TBC1D32: variants seen among roughly 807,000 people sequenced by gnomAD.
The protein encoded by TBC1D32 is TBC1 domain family member 32.
A neutral mutation model predicts 170.3 loss-of-function variants in TBC1D32; 151 were observed. The observed-to-expected ratio is 0.89, with a 90% CI of 0.78 to 1.01. TBC1D32 has a LOEUF of 1.01. TBC1D32 is among the 50% of genes least tolerant of loss of function. TBC1D32 has a pLI of 0.00. For missense variants in TBC1D32, 1,464 were observed against 1,457.1 expected, an observed-to-expected ratio of 1.00 and a Z score of -0.08; for synonymous variants, 498 against 488.0, an observed-to-expected ratio of 1.02 and a Z score of -0.27.
intron 26 of TBC1D32, among the ~76,000 whole-genome samples, chr6:121,116,772 C>G (rs1437459021): frequency 6.6e-6 from 1 of 152,156 alleles, no homozygotes; most frequent in Non-Finnish European, 1.5e-5. Context: ...TAGTTCTTCC[C>G]TGTGAAAGAA....
intron 30 of TBC1D32, among the ~76,000 whole-genome samples, chr6:121,098,874 T>A (rs1285403013): frequency 6.6e-6 from 1 of 151,838 alleles, no homozygotes; most frequent in Admixed American, 6.6e-5. Context: ...GGAGAAGGTA[T>A]CATCTCAAGG....
rs1417797255 is a variant in TBC1D32 at position 121,080,360 on chromosome 6, G to T, written c.*411C>A. 2 of 341,250 alleles carry T rather than the reference G, an allele frequency of 5.9e-6. No individual in the cohort carries two copies. Among genetic ancestry groups the T allele is most frequent in the Non-Finnish European group, 1.2e-5 (2 of 164,870 alleles). 21.1% of individuals were successfully genotyped at this position (341,250 alleles called of 1,614,324 possible). A position where few individuals can be genotyped will look rare whatever the true frequency, so the allele number is the denominator to read the frequency against. On this transcript the variant is annotated 3_prime_UTR_variant, in exon 32 of 32. Transcript: ENST00000398212. ...AGCCTCCCAAGTAGCAGGGACTACA[G>T]GCGCATCACTGCACCCAGCTAATTT...
At chr6:121,279,042 C>T in intron 15 of TBC1D32, 79 bp downstream of exon 15, 1 of 1,462,198 alleles carries the variant, frequency 6.8e-7, no homozygotes. Context: ...TTTTTTAGAT[C>T]ATTTAATATA....
chr6:121,329,803 T>G (rs1810972775), intron 1 of TBC1D32, among the ~76,000 whole-genome samples: 1 of 152,074 alleles, frequency 6.6e-6, no homozygotes, highest in Non-Finnish European at 1.5e-5. Context: ...TAGGCTGTAT[T>G]TTAGAATCAT....
At chr6:121,177,031 A>AT (rs143537057) in intron 22 of TBC1D32, among the ~76,000 whole-genome samples, 62 of 149,444 alleles carry the variant, frequency 4.1e-4, no homozygotes, top group African/African-American at 4.9e-4. Flanking sequence ...TGAATATGTC[A>AT]TTTTTTTTTT....
intron 22 of TBC1D32, among the ~76,000 whole-genome samples, chr6:121,188,973 TCTAAA>T (rs1789572509): frequency 6.6e-6 from 1 of 152,162 alleles, no homozygotes; most frequent in African/African-American, 2.4e-5. Context: ...TTTTCTAAGC[TCTAAA>T]CTGTCTTTTT....
At chr6:121,256,363 T>C in intron 15 of TBC1D32, 78 bp from the exon 16 acceptor site, 2 of 1,296,274 alleles carry the variant, frequency 1.5e-6, no homozygotes, top group Admixed American at 4.9e-5. Flanking sequence ...AAGGCTAGTC[T>C]TGTCACAAAA....
chr6:121,237,612 ACTT>A (rs755776195), intron 20 of TBC1D32, among the ~76,000 whole-genome samples: 118 of 151,904 alleles, frequency 7.8e-4, no homozygotes, highest in Non-Finnish European at 1.4e-3. Context: ...CAAGTTCACT[ACTT>A]CTTCTATTAT....
intron 21 of TBC1D32, among the ~76,000 whole-genome samples, chr6:121,216,807 T>C (rs1314293590): frequency 6.6e-6 from 1 of 152,164 alleles, no homozygotes; most frequent in Admixed American, 6.5e-5. Context: ...TCAAATCTGC[T>C]AAAATTGCCC....
intron 26 of TBC1D32, among the ~76,000 whole-genome samples, chr6:121,125,549 T>C (rs1166991627): frequency 2.6e-5 from 4 of 151,494 alleles, no homozygotes; most frequent in African/African-American, 9.7e-5. Flanking sequence ...GGGTAGTTCC[T>C]CAGTTGCAAC....
At chr6:121,088,532 G>A (rs2128173317) in intron 31 of TBC1D32, among the ~76,000 whole-genome samples, 2 of 152,124 alleles carry the variant, frequency 1.3e-5, no homozygotes, top group East Asian at 3.9e-4. Flanking sequence ...AGGGCCAAAT[G>A]GAGTAGTTAA....
intron 21 of TBC1D32, among the ~76,000 whole-genome samples, chr6:121,211,049 T>C (rs988974645): frequency 1.3e-5 from 2 of 152,186 alleles, no homozygotes; most frequent in Non-Finnish European, 2.9e-5. Context: ...TTTGGAATCA[T>C]TTATAATAAT....
intron 15 of TBC1D32, among the ~76,000 whole-genome samples, chr6:121,258,576 C>T (rs1342176504): frequency 6.6e-6 from 1 of 152,104 alleles, no homozygotes; most frequent in Non-Finnish European, 1.5e-5. Flanking sequence ...TCTCTCCCCT[C>T]TCCTAAAATT....
intron 17 of TBC1D32, among the ~76,000 whole-genome samples, chr6:121,253,911 A>G (rs1313508251): frequency 6.6e-6 from 1 of 152,164 alleles, no homozygotes; most frequent in Non-Finnish European, 1.5e-5. Flanking sequence ...AAAAGAAGAC[A>G]TTATATGAAA....
chr6:121,215,132 C>T (rs2128317838), intron 21 of TBC1D32, among the ~76,000 whole-genome samples: 1 of 152,292 alleles, frequency 6.6e-6, no homozygotes, highest in African/African-American at 2.4e-5. Context: ...GAGTCTGGGG[C>T]TTTTATGGGC....
chr6:121,181,346 T>C (rs1435452561), intron 22 of TBC1D32, among the ~76,000 whole-genome samples: 2 of 152,050 alleles, frequency 1.3e-5, no homozygotes, highest in East Asian at 3.9e-4. Flanking sequence ...CCCGTAATAG[T>C]GAGTTCTCAT....
intron 24 of TBC1D32, among the ~76,000 whole-genome samples, chr6:121,148,432 G>A (rs1336426588): frequency 6.6e-6 from 1 of 152,082 alleles, no homozygotes; most frequent in Non-Finnish European, 1.5e-5. Context: ...TGTGAACAGT[G>A]CTGCAATAAA....
At chr6:121,215,450 G>A (rs1212423047) in intron 21 of TBC1D32, among the ~76,000 whole-genome samples, 1 of 152,190 alleles carries the variant, frequency 6.6e-6, no homozygotes, top group East Asian at 1.9e-4. Context: ...GGCCACCACT[G>A]CCATCAATTT....
intron 15 of TBC1D32, among the ~76,000 whole-genome samples, chr6:121,259,868 A>G (rs777901569): frequency 6.6e-6 from 1 of 152,178 alleles, no homozygotes; most frequent in Non-Finnish European, 1.5e-5. Context: ...ATTCCCCCCA[A>G]CATTTCATGC....
Sources: allele counts gnomAD v4.1 joint callset (sites outside exome capture counted in the v4.1 genomes callset), GRCh38; gene constraint gnomAD v4.1.1; transcripts MANE v1.5; gene names NCBI Gene and HGNC (gene_info 2026-07-23, HGNC 2026-07-21).